The following MAML2 variants were observed in gnomAD, a reference collection of about 807,000 sequenced individuals.
The protein encoded by MAML2 is mastermind like transcriptional coactivator 2.
A neutral mutation model predicts 96.1 loss-of-function variants in MAML2; 22 were observed. The observed-to-expected ratio is 0.23, with a 90% CI of 0.16 to 0.33. The LOEUF is 0.33. MAML2 is among the 10% of genes least tolerant of loss of function. The pLI is 1.00. For synonymous variants in MAML2, 561 were observed against 521.3 expected, an observed-to-expected ratio of 1.08 and a Z score of -1.04; for missense variants, 1,367 against 1,392.4, an observed-to-expected ratio of 0.98 and a Z score of 0.29.
intron 1 of MAML2, among the ~76,000 whole-genome samples, chr11:96,222,208 A>G (rs1862150345): frequency 6.6e-6 from 1 of 152,158 alleles, no homozygotes; most frequent in Non-Finnish European, 1.5e-5. Context: ...GGATAGCACT[A>G]TGCTTGAAAC....
chr11:96,149,433 T>TA (rs1860882956), intron 1 of MAML2, among the ~76,000 whole-genome samples: 1 of 1,570 alleles, frequency 6.4e-4, no homozygotes, highest in Non-Finnish European at 1.2e-3. Flanking sequence ...AAAAAAAAAA[T>TA]GAGAAGTTAA....
Position 96,092,525 on chromosome 11 carries a change from G to T in MAML2, c.1506C>A (p.Gly502=), listed in dbSNP as rs774585065. ...PQSSPMPGVA[G]GSGQSKVMAN... ...CCATTACTTTCGACTGGCCGCTGCC[G>T]CCAGCTACCCCAGGCATGGGGGAGC... Residue 502 remains glycine, a synonymous_variant, in exon 2 of 5, where the codon GGC becomes GGA. Coordinates refer to ENST00000524717, the MANE Select transcript of MAML2 (RefSeq NM_032427.4). The surrounding 1 kb of genome is among the most constrained non-coding windows in gnomAD (Gnocchi z 4.1). 6.3e-7 allele frequency: 1 copy of T among 1,595,456 alleles called. No individual in the cohort carries two copies. The highest frequency in any genetic ancestry group is 2.2e-5 in the East Asian group (1 of 44,598).
At chr11:95,991,796 A>G (rs1857918160) in intron 2 of MAML2, 73 bp from the exon 3 acceptor site, 1 of 1,135,604 alleles carries the variant, frequency 8.8e-7, no homozygotes, top group Non-Finnish European at 1.3e-6. Flanking sequence ...AAGATCATAC[A>G]CTCAGATTCC....
chr11:96,214,142 T>C (rs916745543), intron 1 of MAML2, among the ~76,000 whole-genome samples: 1 of 152,248 alleles, frequency 6.6e-6, no homozygotes, highest in Non-Finnish European at 1.5e-5. Context: ...ATGCTCAGAA[T>C]TTCTATGGAA....
chr11:96,341,606 G>T lies in MAML2; in HGVS notation c.290C>A (p.Ala97Asp). 1.3e-6 allele frequency: 2 copies of T among 1,551,806 alleles called. No individual in the cohort carries two copies. The highest frequency in any genetic ancestry group is 1.2e-5 in the South Asian group (1 of 84,092). ...RKAGKHTKAT[A>D]TAATTTAPPP... ...AGGGGCTGTAGTGGTGGCAGCAGTG[G>T]CGGTGGCCTTGGTGTGTTTGCCAGC... The change falls in exon 1 of 5, where the codon GCC becomes GAC. Residue 97 changes from alanine to aspartate, a missense_variant. Coordinates refer to ENST00000524717, the MANE Select transcript of MAML2 (RefSeq NM_032427.4).
intron 1 of MAML2, among the ~76,000 whole-genome samples, chr11:96,288,799 G>C (rs1479563083): frequency 2.6e-5 from 4 of 152,056 alleles, no homozygotes; most frequent in Non-Finnish European, 4.4e-5. Flanking sequence ...AACTCAAAAG[G>C]TTTTTCTACT....
chr11:96,060,258 T>C (rs1036313484), intron 2 of MAML2, among the ~76,000 whole-genome samples: 3 of 152,224 alleles, frequency 2.0e-5, no homozygotes, highest in African/African-American at 7.2e-5. Context: ...AGACAAAACA[T>C]GCAGTTAAGC....
chr11:96,257,600 C>T (rs78917566), intron 1 of MAML2, among the ~76,000 whole-genome samples: 4,949 of 152,078 alleles, frequency 0.033, 104 homozygotes, highest in South Asian at 0.063. Context: ...AGAGAAAAAC[C>T]GAAAAAGAGC....
In MAML2 at chr11:95,998,174, G is replaced by A. The variant is rs1940206; in HGVS notation, c.2140-6451C>T. 3.8e-3 allele frequency among the ~76,000 whole-genome samples: 560 copies of A among 147,816 alleles called. 1 individual carries two copies. The highest frequency in any genetic ancestry group is 0.015 in the Admixed American group (227 of 14,724). On this transcript the variant is annotated intron_variant, in intron 2 of 4. Coordinates refer to ENST00000524717, the MANE Select transcript of MAML2 (RefSeq NM_032427.4). ...TGTCTGTCTGTCTGTCTGTCTGTCTGTCTATCTATCTATCCACCCCATCCA... is the reference window on the plus strand; with the variant it reads ...TGTCTGTCTGTCTGTCTGTCTGTCTATCTATCTATCTATCCACCCCATCCA...
chr11:96,335,040 T>C (rs541991236), intron 1 of MAML2, among the ~76,000 whole-genome samples: 3 of 152,226 alleles, frequency 2.0e-5, no homozygotes, highest in South Asian at 2.1e-4. Context: ...ACCGTCAGCA[T>C]CCAAGCATCA....
chr11:96,088,476 T>G (rs911571361), intron 2 of MAML2, among the ~76,000 whole-genome samples: 8 of 152,206 alleles, frequency 5.3e-5, no homozygotes, highest in Non-Finnish European at 1.0e-4. Flanking sequence ...ACAACTTAAG[T>G]AAGTGCTCAC....
chr11:96,254,330 CATAGGA>C (rs1200893807), intron 1 of MAML2, among the ~76,000 whole-genome samples: 1 of 151,256 alleles, frequency 6.6e-6, no homozygotes, highest in African/African-American at 2.4e-5. Context: ...TAAAAAAAGC[CATAGGA>C]AGGAAGTGGA....
At chr11:96,246,243 A>G (rs1862511525) in intron 1 of MAML2, among the ~76,000 whole-genome samples, 1 of 152,254 alleles carries the variant, frequency 6.6e-6, no homozygotes, top group South Asian at 2.1e-4. Context: ...TGATTAACTC[A>G]GGGAAAGTCA....
intron 1 of MAML2, among the ~76,000 whole-genome samples, chr11:96,215,752 T>G (rs939724872): frequency 6.6e-6 from 1 of 152,100 alleles, no homozygotes; most frequent in African/African-American, 2.4e-5. Context: ...CCTCGGGTGC[T>G]GGCTGCCACT....
intron 3 of MAML2, among the ~76,000 whole-genome samples, 172 bp from the exon 4 acceptor site, chr11:95,985,814 C>G (rs1857816043): frequency 6.6e-6 from 1 of 152,160 alleles, no homozygotes; most frequent in Non-Finnish European, 1.5e-5. Context: ...TTTTCAATTT[C>G]AATAAACTTC....
At chr11:96,115,753 G>A (rs566975755) in intron 1 of MAML2, among the ~76,000 whole-genome samples, 1 of 152,152 alleles carries the variant, frequency 6.6e-6, no homozygotes, top group Non-Finnish European at 1.5e-5. Flanking sequence ...GGAAGGGAGA[G>A]TTCTGTTTTA....
chr11:96,083,868 C>T (rs559549768), intron 2 of MAML2, among the ~76,000 whole-genome samples: 1 of 152,170 alleles, frequency 6.6e-6, no homozygotes, highest in East Asian at 1.9e-4. Flanking sequence ...AATCCATGCT[C>T]AAAGAGAAGA....
chr11:96,308,461 C>A (rs1863496325), intron 1 of MAML2, among the ~76,000 whole-genome samples: 1 of 152,164 alleles, frequency 6.6e-6, no homozygotes, highest in Non-Finnish European at 1.5e-5. Context: ...GAAATTCTGA[C>A]ATCAACTTTT....
intron 1 of MAML2, 66 bp downstream of exon 1, chr11:96,341,317 G>A (rs1863988688): frequency 1.4e-6 from 2 of 1,460,826 alleles, no homozygotes; most frequent in East Asian, 2.5e-5. Flanking sequence ...TTAGGCCAAA[G>A]CAAACTCTAC....
Sources: allele counts gnomAD v4.1 joint callset (sites outside exome capture counted in the v4.1 genomes callset), GRCh38; gene constraint gnomAD v4.1.1; non-coding constraint Gnocchi (gnomAD v3.1); transcripts MANE v1.5; gene names NCBI Gene and HGNC (gene_info 2026-07-23, HGNC 2026-07-21).